Variants in NRCAM observed in about 807,000 individuals in gnomAD.
The protein encoded by NRCAM is neuronal cell adhesion molecule, also known as NgCAM-related cell adhesion molecule.
In NRCAM, 83 loss-of-function variants were observed where a neutral mutation model predicts 156.5. That is an observed-to-expected ratio of 0.53 (90% CI 0.44 to 0.64). The LOEUF (loss-of-function observed/expected upper bound fraction) is 0.64. NRCAM is among the 30% of genes least tolerant of loss of function. NRCAM has a pLI of 0.00. For missense variants in NRCAM, 1,417 were observed against 1,597.3 expected (o/e 0.89, Z 1.92); for synonymous variants, 538 against 563.9 (o/e 0.95, Z 0.65).
chr7:108,268,277 C>A (rs2097183534), intron 3 of NRCAM, among the ~76,000 whole-genome samples: 1 of 152,152 alleles, frequency 6.6e-6, no homozygotes, highest in South Asian at 2.1e-4. Flanking sequence ...GTTGAGTTTC[C>A]TTGCAAACAG....
chr7:108,207,985 G>A (rs2082041129), intron 12 of NRCAM, among the ~76,000 whole-genome samples: 1 of 152,006 alleles, frequency 6.6e-6, no homozygotes, highest in Non-Finnish European at 1.5e-5. Flanking sequence ...GTACAGGTAG[G>A]GCTAAGAAAC....
chr7:108,232,504 A>G lies in NRCAM; in HGVS notation c.249T>C (p.Asn83=). Residue 83 remains asparagine (N), a synonymous_variant, in exon 7 of 33, where the codon AAT becomes AAC. Coordinates refer to ENST00000379028, the MANE Select transcript of NRCAM (RefSeq NM_001037132.4). The stretch of plus-strand genomic sequence containing the variant: ...CTTTATCGATGTCAAAATGAGTCCC[A>G]TTACGGGTCCAGGAAAAGCTGCCCA... ...KPPPSFSWTR[N]GTHFDIDKDP... is the part of the protein sequence containing the mutation. The G allele has an allele frequency of 6.2e-7, 1 of 1,610,856 alleles. No homozygotes were observed. The highest frequency in any genetic ancestry group is 2.2e-5 in the East Asian group (1 of 44,822).
intron 3 of NRCAM, among the ~76,000 whole-genome samples, chr7:108,250,238 G>A (rs1236645073): frequency 2.0e-5 from 3 of 151,878 alleles, no homozygotes; most frequent in Non-Finnish European, 4.4e-5. Flanking sequence ...GGATAACAAG[G>A]CAAAACTCCA....
chr7:108,444,916 T>C (rs924300309), intron 1 of NRCAM, among the ~76,000 whole-genome samples: 1 of 152,172 alleles, frequency 6.6e-6, no homozygotes, highest in Admixed American at 6.5e-5. Flanking sequence ...CAATTTTTAA[T>C]CTCCATCTCT....
intron 3 of NRCAM, among the ~76,000 whole-genome samples, chr7:108,266,391 G>C (rs1204773035): frequency 6.6e-6 from 1 of 152,192 alleles, no homozygotes; most frequent in Non-Finnish European, 1.5e-5. Context: ...TCCTGGGCTG[G>C]TAAAGCCTGG....
chr7:108,297,845 G>A (rs1045563400), intron 3 of NRCAM, among the ~76,000 whole-genome samples: 1 of 152,178 alleles, frequency 6.6e-6, no homozygotes, highest in Non-Finnish European at 1.5e-5. Flanking sequence ...CTTGCCACAG[G>A]TTCAGGAAAT....
At chr7:108,180,843 T>C (rs767646056) in intron 24 of NRCAM, among the ~76,000 whole-genome samples, 3 of 152,222 alleles carry the variant, frequency 2.0e-5, no homozygotes, top group Admixed American at 2.0e-4. Flanking sequence ...ACCTATCATG[T>C]AGTGATTGTA....
chr7:108,331,926 G>A (rs2099131312), intron 2 of NRCAM, among the ~76,000 whole-genome samples: 2 of 152,224 alleles, frequency 1.3e-5, no homozygotes, highest in South Asian at 4.1e-4. Context: ...AGTAAAAAGA[G>A]TGTCAATTAC....
chr7:108,223,685 T>G (rs942011029), intron 11 of NRCAM, 40 bp downstream of exon 11: 1 of 1,022,922 alleles, frequency 9.8e-7, no homozygotes, highest in African/African-American at 1.6e-5. Flanking sequence ...TACTATATTT[T>G]TATAAGAAAT....
chr7:108,207,488 T>G, intron 13 of NRCAM, 40 bp downstream of exon 13: 1 of 1,600,674 alleles, frequency 6.2e-7, no homozygotes, highest in Non-Finnish European at 8.5e-7. Context: ...ATATATGCTC[T>G]GAAAATATAC....
At chr7:108,167,563 C>T (rs1244109265) in intron 29 of NRCAM, among the ~76,000 whole-genome samples, 1 of 152,118 alleles carries the variant, frequency 6.6e-6, no homozygotes, top group African/African-American at 2.4e-5. Context: ...CTAAAGGGAT[C>T]GTCATTTCTA....
rs1361386373 is a variant in NRCAM at position 108,180,244 on chromosome 7, C to T, written c.2830G>A (p.Val944Ile). 1 of 1,614,172 alleles carries T rather than the reference C, an allele frequency of 6.2e-7. No homozygotes were observed. Among genetic ancestry groups the T allele is most frequent in the East Asian group, 2.2e-5 (1 of 44,880 alleles). Reference sequence around the variant, plus strand: ...ATACCTCCTTCTGGAGTATTAAAGACTCTGTCAGGGCTGGCTGGGCCCTCC... The same window carrying T: ...ATACCTCCTTCTGGAGTATTAAAGATTCTGTCAGGGCTGGCTGGGCCCTCC... ...KGEGPASPDR[V>I]FNTPEGVPSA... The change falls in exon 25 of 33, where the codon GTC becomes ATC. Residue 944 changes from valine (V) to isoleucine (I), a missense_variant. By Grantham distance (29) the Val-to-Ile change is conservative. This residue lies in a region of NRCAM where 1,238 missense variants were observed against 1,336.4 expected (regional missense o/e 0.93). Coordinates refer to ENST00000379028, the MANE Select transcript of NRCAM (RefSeq NM_001037132.4).
chr7:108,302,925 C>T (rs2098650569), intron 3 of NRCAM, among the ~76,000 whole-genome samples: 1 of 152,072 alleles, frequency 6.6e-6, no homozygotes, highest in Admixed American at 6.6e-5. Context: ...GTCCTGTCTT[C>T]CTCTTAAAAG....
intron 2 of NRCAM, among the ~76,000 whole-genome samples, chr7:108,393,735 T>C (rs1301185155): frequency 6.6e-6 from 1 of 152,160 alleles, no homozygotes; most frequent in Non-Finnish European, 1.5e-5. Flanking sequence ...CCTCCCCCGT[T>C]TAATTTTTTA....
At chr7:108,349,148 C>A (rs1185434220) in intron 2 of NRCAM, among the ~76,000 whole-genome samples, 1 of 152,164 alleles carries the variant, frequency 6.6e-6, no homozygotes, top group Non-Finnish European at 1.5e-5. Flanking sequence ...AAAGAGAGCA[C>A]TGGTTTGCCA....
In NRCAM at chr7:108,178,105, A is replaced by G; in HGVS notation, c.2859T>C (p.Ser953=). ...RVFNTPEGVP[S]APSSLKIVNP... ...TCACAATCTTCAAAGACGAGGGAGC[A>G]CTGGGGACTTACAGTGAGAACTTAC... Residue 953 remains serine, a synonymous_variant, in exon 26 of 33, where the codon AGT becomes AGC. Coordinates refer to ENST00000379028, the MANE Select transcript of NRCAM (RefSeq NM_001037132.4). The G allele has an allele frequency of 6.2e-7, 1 of 1,612,286 alleles. No homozygotes were observed. Among genetic ancestry groups the G allele is most frequent in the Non-Finnish European group, 8.5e-7 (1 of 1,179,226 alleles).
At chr7:108,428,577 G>A (rs935735985) in intron 1 of NRCAM, among the ~76,000 whole-genome samples, 4 of 152,190 alleles carry the variant, frequency 2.6e-5, no homozygotes, top group Admixed American at 2.6e-4. Flanking sequence ...GGCAGAGGAG[G>A]AGAAAGGGCA....
chr7:108,178,366 T>G (rs2061770936), intron 25 of NRCAM: 1 of 479,184 alleles, frequency 2.1e-6, no homozygotes, highest in Admixed American at 3.1e-5. Context: ...TGCCTTTAGA[T>G]GGACTCAAAC....
At chr7:108,346,641 T>C (rs10487849) in intron 2 of NRCAM, among the ~76,000 whole-genome samples, 37,986 of 152,110 alleles carry the variant, frequency 0.25, 5,249 homozygotes, top group Non-Finnish European at 0.3. Flanking sequence ...CTTACAGTGA[T>C]GGTATTTTTC....
Sources: gnomAD v4.1 joint callset for allele counts (sites outside exome capture counted in the v4.1 genomes callset) on GRCh38, gnomAD v4.1.1 for gene constraint, gnomAD v4.1.1 regional missense constraint, MANE v1.5 for transcripts, NCBI Gene and HGNC (gene_info 2026-07-23, HGNC 2026-07-21) for gene names.